ACKR2: variants seen among roughly 807,000 people sequenced by gnomAD.
ACKR2 encodes C-C chemokine receptor D6.
For missense variants in ACKR2, 457 were observed against 477.3 expected, an observed-to-expected ratio of 0.96 and a Z score of 0.40; for synonymous variants, 207 against 192.2, an observed-to-expected ratio of 1.08 and a Z score of -0.64.
intron 2 of ACKR2, among the ~76,000 whole-genome samples, chr3:42,847,141 A>G (rs1006892141): frequency 1.3e-5 from 2 of 152,230 alleles, no homozygotes; most frequent in African/African-American, 4.8e-5. Context: ...AACATGTAGT[A>G]AATATGTAAG....
At chr3:42,846,217 C>T (rs1295754389) in intron 2 of ACKR2, among the ~76,000 whole-genome samples, 1 of 152,150 alleles carries the variant, frequency 6.6e-6, no homozygotes, top group East Asian at 1.9e-4. Flanking sequence ...GAATGAAACC[C>T]AGGACAGGCC....
intron 2 of ACKR2, among the ~76,000 whole-genome samples, chr3:42,820,970 C>T (rs891874136): frequency 3.3e-5 from 5 of 151,896 alleles, no homozygotes; most frequent in Admixed American, 6.6e-5. Flanking sequence ...CTGCCATGTC[C>T]GCCTCCCAGG....
chr3:42,844,145 T>C (rs183413362), intron 2 of ACKR2: 7 of 152,340 alleles, frequency 4.6e-5, no homozygotes, highest in Middle Eastern at 6.8e-3. Context: ...GGTTGAACTA[T>C]ATGAAATTGC....
intron 2 of ACKR2, chr3:42,850,915 G>A (rs919018107): frequency 2.2e-4 from 34 of 152,356 alleles, no homozygotes; most frequent in African/African-American, 5.3e-4. Flanking sequence ...GGGTGTAGCA[G>A]ACACAGCCCT....
intron 2 of ACKR2, among the ~76,000 whole-genome samples, chr3:42,850,532 A>G (rs1221691587): frequency 6.6e-6 from 1 of 152,116 alleles, no homozygotes; most frequent in Non-Finnish European, 1.5e-5. Context: ...TGGAGACAAC[A>G]GGCATTCACC....
intron 2 of ACKR2, among the ~76,000 whole-genome samples, chr3:42,825,602 C>CGT (rs994203107): frequency 2.2e-4 from 15 of 69,674 alleles, no homozygotes; most frequent in Admixed American, 1.1e-3. Flanking sequence ...TGTGTGTGTG[C>CGT]GTGTGTGTGT....
intron 2 of ACKR2, among the ~76,000 whole-genome samples, chr3:42,839,847 C>A (rs1250648295): frequency 1.3e-5 from 2 of 152,114 alleles, no homozygotes; most frequent in Non-Finnish European, 2.9e-5. Context: ...ATCCAGTGGA[C>A]AAATGTAGAA....
chr3:42,813,717 C>CGG (rs1308777768), intron 1 of ACKR2, among the ~76,000 whole-genome samples: 2 of 152,196 alleles, frequency 1.3e-5, no homozygotes, highest in Non-Finnish European at 2.9e-5. Flanking sequence ...GAGTTTGTAA[C>CGG]TTGGTACAAT....
chr3:42,837,559 T>G (rs1439751223), intron 2 of ACKR2, among the ~76,000 whole-genome samples: 1 of 152,128 alleles, frequency 6.6e-6, no homozygotes, highest in Non-Finnish European at 1.5e-5. Flanking sequence ...AAGAGTGTAT[T>G]CCAGCTCCAG....
rs1210959779 is a variant in ACKR2, at chr3:42,866,680, T to C, written c.*1023T>C. The C allele has an allele frequency of 6.0e-6, 1 of 166,990 alleles. No individual in the cohort carries two copies. Among genetic ancestry groups the C allele is most frequent in the Non-Finnish European group, 1.5e-5 (1 of 68,116 alleles). 10.3% of individuals were successfully genotyped at this position (166,990 alleles called of 1,614,324 possible). On this transcript the variant is annotated 3_prime_UTR_variant, in exon 3 of 3. Transcript: ENST00000422265. ...GCAGCAGCCTGTCAAAACACCAGAT[T>C]ACAACAAATTTAGTTTAAAGGTCTC...
intron 2 of ACKR2, chr3:42,851,267 C>G (rs1701155743): frequency 5.4e-6 from 4 of 746,498 alleles, no homozygotes; most frequent in Non-Finnish European, 4.9e-6. Context: ...AGGGCTGGGG[C>G]AAGGGCAAAG....
chr3:42,828,578 C>G (rs1247833744), intron 2 of ACKR2, among the ~76,000 whole-genome samples: 2 of 152,148 alleles, frequency 1.3e-5, no homozygotes, highest in African/African-American at 2.4e-5. Flanking sequence ...TATTATTCTC[C>G]TAGTGCCTAC....
At chr3:42,861,552 A>G (rs1029938490) in intron 2 of ACKR2, among the ~76,000 whole-genome samples, 2 of 152,192 alleles carry the variant, frequency 1.3e-5, no homozygotes, top group Non-Finnish European at 2.9e-5. Context: ...CCTGGCAAAG[A>G]CACAACAAAA....
chr3:42,850,695 C>G (rs901896104), intron 2 of ACKR2, among the ~76,000 whole-genome samples: 3 of 152,184 alleles, frequency 2.0e-5, no homozygotes, highest in African/African-American at 7.2e-5. Context: ...GTCATTCATT[C>G]ATTCAGTCTC....
intron 1 of ACKR2, among the ~76,000 whole-genome samples, chr3:42,815,124 C>T (rs542394783): frequency 7.8e-4 from 119 of 152,206 alleles, no homozygotes; most frequent in African/African-American, 2.8e-3. Context: ...TATTAGGTGC[C>T]GCCTGAAGAC....
At chr3:42,821,637 C>G (rs963091089) in intron 2 of ACKR2, among the ~76,000 whole-genome samples, 6 of 152,076 alleles carry the variant, frequency 3.9e-5, no homozygotes, top group Admixed American at 1.3e-4. Flanking sequence ...TCTCTTGCCT[C>G]TCTATCTTTT....
intron 1 of ACKR2, among the ~76,000 whole-genome samples, chr3:42,811,725 C>A (rs976395369): frequency 6.6e-6 from 1 of 152,124 alleles, no homozygotes; most frequent in African/African-American, 2.4e-5. Context: ...GTGTAAAACC[C>A]GATCGTAAAT....
chr3:42,849,595 T>C (rs1291321563), intron 2 of ACKR2, among the ~76,000 whole-genome samples: 6 of 152,002 alleles, frequency 3.9e-5, no homozygotes, highest in Admixed American at 6.5e-5. Flanking sequence ...CAGAGAAACT[T>C]GGGTGCTGCT....
At chr3:42,817,474 C>A (rs1700764379) in intron 1 of ACKR2, among the ~76,000 whole-genome samples, 2 of 152,122 alleles carry the variant, frequency 1.3e-5, no homozygotes, top group South Asian at 4.1e-4. Context: ...ACCCTCCTCC[C>A]ACTGAACACC....
Sources: allele counts gnomAD v4.1 joint callset (sites outside exome capture counted in the v4.1 genomes callset), GRCh38; gene constraint gnomAD v4.1.1; transcripts MANE v1.5; gene names NCBI Gene and HGNC (gene_info 2026-07-23, HGNC 2026-07-21).